RYR3: variants seen among roughly 807,000 people sequenced by gnomAD.
RYR3 encodes the protein ryanodine receptor 3, also known as brain ryanodine receptor-calcium release channel.
A neutral mutation model predicts 584.3 loss-of-function variants in RYR3; 207 were observed. That is an observed-to-expected ratio of 0.35 (90% CI 0.32 to 0.40). The LOEUF (loss-of-function observed/expected upper bound fraction) is 0.40. RYR3 is among the 10% of genes least tolerant of loss of function. RYR3 has a pLI of 1.00. For synonymous variants in RYR3, 2,416 were observed against 2,248.5 expected (o/e 1.07, Z -2.11); for missense variants, 5,616 against 6,089.2 (o/e 0.92, Z 2.59).
rs199957223 is a variant in RYR3, at chr15:33,660,439, G to A, written c.4622+16G>A. On this transcript the variant is annotated intron_variant, in intron 34 of 103. Transcript: ENST00000634891. Reference sequence around the variant, plus strand: ...AGGAGAACAGGTACCAGAGGGGCCCGCGAAGGAAGGGGCAGGCCTGAGGGG... The same window carrying A: ...AGGAGAACAGGTACCAGAGGGGCCCACGAAGGAAGGGGCAGGCCTGAGGGG... 1.4e-4 allele frequency: 205 copies of A among 1,516,532 alleles called. 2 individuals carry two copies. In the African/African-American group the frequency reaches 2.3e-3, roughly 17 times the overall value. The allele number at this position is 1,516,532 out of a possible 1,614,324, so 93.9% of individuals were successfully genotyped here. A position where few individuals can be genotyped will look rare whatever the true frequency, so the allele number is the denominator to read the frequency against.
intron 7 of RYR3, among the ~76,000 whole-genome samples, chr15:33,541,454 T>C (rs1280304924): frequency 6.6e-6 from 1 of 152,172 alleles, no homozygotes; most frequent in African/African-American, 2.4e-5. Context: ...TTTCATAGAA[T>C]CAGGTAAAAA....
chr15:33,832,975 T>C (rs1443957511), intron 86 of RYR3, among the ~76,000 whole-genome samples: 1 of 136,876 alleles, frequency 7.3e-6, no homozygotes, highest in African/African-American at 2.8e-5. Flanking sequence ...ACCTTTGCAC[T>C]CCAGCCTGGG....
At chr15:33,727,805 C>T (rs1159973592) in intron 46 of RYR3, among the ~76,000 whole-genome samples, 1 of 152,170 alleles carries the variant, frequency 6.6e-6, no homozygotes, top group Non-Finnish European at 1.5e-5. Flanking sequence ...ATAGCGTGCT[C>T]ATTTGGGGGT....
In RYR3 at chr15:33,363,818, T is replaced by C. The variant is rs975861340; in HGVS notation, c.51+52722T>C. Among the ~76,000 whole-genome samples, 8 of 152,330 alleles carry C rather than the reference T, an allele frequency of 5.3e-5. No individual in the cohort carries two copies. The South Asian group carries it at 1.0e-3, about 20-fold the overall frequency. On this transcript the variant is annotated intron_variant, in intron 1 of 103. Coordinates refer to ENST00000634891, the MANE Select transcript of RYR3 (RefSeq NM_001036.6). ...ACCAGCTGCATGTGGGTCCTGAGCA[T>C]TTGAAATGTGGCTGATGCAATGGAG...
intron 1 of RYR3, among the ~76,000 whole-genome samples, chr15:33,373,148 A>G (rs2040467925): frequency 6.6e-6 from 1 of 152,154 alleles, no homozygotes; most frequent in South Asian, 2.1e-4. Flanking sequence ...TCTTCTTCCT[A>G]TTCTCATTTG....
At chr15:33,745,413 G>A (rs2070594601) in intron 52 of RYR3, among the ~76,000 whole-genome samples, 1 of 152,074 alleles carries the variant, frequency 6.6e-6, no homozygotes, top group African/African-American at 2.4e-5. Flanking sequence ...CAGAAACTTA[G>A]GAAATATACA....
chr15:33,735,828 G>T (rs2069409002), intron 48 of RYR3, among the ~76,000 whole-genome samples: 1 of 152,264 alleles, frequency 6.6e-6, no homozygotes, highest in Non-Finnish European at 1.5e-5. Context: ...CGCACCAGTA[G>T]GTGGCCTCAG....
At chr15:33,685,528 A>G (rs1337509230) in intron 38 of RYR3, among the ~76,000 whole-genome samples, 1 of 152,186 alleles carries the variant, frequency 6.6e-6, no homozygotes, top group Non-Finnish European at 1.5e-5. Flanking sequence ...TCAATATTAG[A>G]TCAACGAGAC....
rs1361387019 is a variant in RYR3 at position 33,813,047 on chromosome 15, C to T, written c.10389+53C>T. On this transcript the variant is annotated intron_variant, in intron 73 of 103. Transcript: ENST00000634891. ...GGAAGCAGAAACACCCTGGACCATA[C>T]AAAGCTCCCCTCCACACTCAGCATT... 4.9e-5 allele frequency: 78 copies of T among 1,605,900 alleles called. No individual in the cohort carries two copies. In the East Asian group the frequency reaches 1.7e-3, roughly 36 times the overall value.
At chr15:33,753,198 A>T (rs1478079091) in intron 57 of RYR3, among the ~76,000 whole-genome samples, 1 of 152,218 alleles carries the variant, frequency 6.6e-6, no homozygotes, top group Non-Finnish European at 1.5e-5. Context: ...CTTAGTTTTC[A>T]TAGAGTCAGC....
At chr15:33,674,637 G>T (rs1196093478) in intron 38 of RYR3, among the ~76,000 whole-genome samples, 3 of 152,094 alleles carry the variant, frequency 2.0e-5, no homozygotes, top group Non-Finnish European at 2.9e-5. Flanking sequence ...GAGGAAATGG[G>T]TATGGCTAGG....
At position 33,557,335 on chromosome 15, in the gene RYR3, C is replaced by G. The variant is rs570651797; in HGVS notation, c.973-5502C>G. On this transcript the variant is annotated intron_variant, in intron 10 of 103. Transcript: ENST00000634891. ...CATTGTAAAGTACTTAGCGCAATACCTAGTTTGAACCAGACCGGGGCAACT... is the reference window on the plus strand; with the variant it reads ...CATTGTAAAGTACTTAGCGCAATACGTAGTTTGAACCAGACCGGGGCAACT... 2.6e-5 allele frequency among the ~76,000 whole-genome samples: 4 copies of G among 152,292 alleles called. No individual in the cohort carries two copies. In the South Asian group the frequency reaches 8.3e-4, roughly 32 times the overall value.
intron 16 of RYR3, among the ~76,000 whole-genome samples, chr15:33,588,125 T>A (rs1352372477): frequency 2.0e-5 from 3 of 152,254 alleles, no homozygotes; most frequent in Non-Finnish European, 4.4e-5. Flanking sequence ...TGCCAGTTAT[T>A]GCTGTCAGTG....
intron 36 of RYR3, among the ~76,000 whole-genome samples, chr15:33,665,007 G>T (rs1463020928): frequency 6.6e-6 from 1 of 152,150 alleles, no homozygotes; most frequent in Non-Finnish European, 1.5e-5. Context: ...GGATTGACTG[G>T]AACAGATCAT....
At chr15:33,753,690 T>C (rs1289082727) in intron 57 of RYR3, among the ~76,000 whole-genome samples, 1 of 152,150 alleles carries the variant, frequency 6.6e-6, no homozygotes, top group African/African-American at 2.4e-5. Context: ...TTGTATCTCA[T>C]ATGAAAAAAA....
chr15:33,663,577 A>G lies in RYR3; in HGVS notation c.5459A>G (p.Gln1820Arg). The G allele has an allele frequency of 6.2e-7, 1 of 1,613,914 alleles. No homozygotes were observed. Among genetic ancestry groups the G allele is most frequent in the South Asian group, 1.1e-5 (1 of 91,024 alleles). Residue 1820 changes from glutamine (Q) to arginine (R), a missense_variant, in exon 36 of 104, where the codon CAG (glutamine) becomes CGG (arginine). Physicochemically the swap from Gln to Arg is conservative, Grantham distance 43. This residue lies in a region of RYR3 where 1,280 missense variants were observed against 1,426.2 expected (regional missense o/e 0.90). Transcript: ENST00000634891. ...LLSYLCDCELQHRVEAIVAFG... is the reference protein window; with the variant it reads ...LLSYLCDCELRHRVEAIVAFG... Reference sequence around the variant, plus strand: ...AGCTATCTCTGCGACTGTGAGCTGCAGCACCGAGTGGAGGCCATTGTGGCA... The same window carrying G: ...AGCTATCTCTGCGACTGTGAGCTGCGGCACCGAGTGGAGGCCATTGTGGCA...
Position 33,603,614 on chromosome 15 carries a change from T to C in RYR3, c.2164+250T>C, listed in dbSNP as rs541456822. Among the ~76,000 whole-genome samples the C allele has an allele frequency of 2.6e-5, 4 of 152,348 alleles. No individual in the cohort carries two copies. In the South Asian group the frequency reaches 8.3e-4, roughly 32 times the overall value. ...GCTCATTGTATCTGTATGAGCCTTA[T>C]TGTACGGAATCGTTAGGATTATATG... On this transcript the variant is annotated intron_variant, in intron 18 of 103. Transcript: ENST00000634891.
At position 33,842,033 on chromosome 15, in the gene RYR3, C is replaced by T. The variant is rs369324246; in HGVS notation, c.13207C>T (p.Leu4403=). ...KGLEIYQTKL[L]HYLARNFYNL... is the part of the protein sequence containing the mutation. The stretch of plus-strand genomic sequence containing the variant: ...GCTGGAAATCTATCAGACCAAGTTA[C>T]TGGTAAGCATTCCAACCTTGGCCCT... Residue 4403 remains leucine (L), a splice_region_variant and synonymous_variant, in exon 91 of 104, where the codon CTG becomes TTG. Coordinates refer to ENST00000634891, the MANE Select transcript of RYR3 (RefSeq NM_001036.6). 5.8e-5 allele frequency: 93 copies of T among 1,597,200 alleles called. No homozygotes were observed. Among genetic ancestry groups the T allele is most frequent in the Non-Finnish European group, 7.8e-5 (91 of 1,171,686 alleles).
At chr15:33,385,184 G>A (rs573950591) in intron 1 of RYR3, among the ~76,000 whole-genome samples, 14 of 152,200 alleles carry the variant, frequency 9.2e-5, no homozygotes, top group East Asian at 7.7e-4. Context: ...TTTCACTCAC[G>A]GAAATGAGAT....
Sources: gnomAD v4.1 joint callset for allele counts (sites outside exome capture counted in the v4.1 genomes callset) on GRCh38, gnomAD v4.1.1 for gene constraint, gnomAD v4.1.1 regional missense constraint, MANE v1.5 for transcripts, NCBI Gene and HGNC (gene_info 2026-07-23, HGNC 2026-07-21) for gene names.